The following DLG2 variants were observed in gnomAD, a reference collection of about 807,000 sequenced individuals.
The protein encoded by DLG2 is discs large MAGUK scaffold protein 2, also known as disks large homolog 2.
In DLG2, 45 loss-of-function variants were observed where a neutral mutation model predicts 132.5. The ratio of observed to expected loss-of-function variants is 0.34; its 90% CI spans 0.27 to 0.44. The LOEUF (loss-of-function observed/expected upper bound fraction) is 0.44. Among genes scored for constraint, DLG2 ranks in the 20% least tolerant of loss-of-function variants. The pLI, the probability that DLG2 is intolerant of heterozygous loss-of-function variation, is 1.00. For synonymous variants in DLG2, 424 were observed against 419.6 expected (o/e 1.01, Z -0.13); for missense variants, 1,045 against 1,196.9 (o/e 0.87, Z 1.87).
intron 6 of DLG2, among the ~76,000 whole-genome samples, chr11:84,904,873 T>A (rs996555139): frequency 1.3e-5 from 2 of 152,304 alleles, no homozygotes; most frequent in Admixed American, 6.5e-5. Flanking sequence ...CTGATGTTTA[T>A]TAGGCTCATT....
chr11:85,232,666 A>C (rs2075363059), intron 4 of DLG2, among the ~76,000 whole-genome samples: 1 of 151,908 alleles, frequency 6.6e-6, no homozygotes, highest in South Asian at 2.1e-4. Flanking sequence ...CTAATACTCA[A>C]GGGATAAAAA....
intron 6 of DLG2, among the ~76,000 whole-genome samples, chr11:84,549,973 C>T (rs2099398503): frequency 6.6e-6 from 1 of 152,026 alleles, no homozygotes; most frequent in Admixed American, 6.6e-5. Flanking sequence ...CCAGGCTGGC[C>T]TCGAACTCCT....
intron 6 of DLG2, among the ~76,000 whole-genome samples, chr11:85,040,303 C>A (rs905969850): frequency 6.6e-6 from 1 of 151,866 alleles, no homozygotes; most frequent in Non-Finnish European, 1.5e-5. Flanking sequence ...AACAAATGCA[C>A]ATGACTCAAA....
chr11:84,772,206 A>T (rs2069544102), intron 6 of DLG2, among the ~76,000 whole-genome samples: 1 of 152,190 alleles, frequency 6.6e-6, no homozygotes, highest in Non-Finnish European at 1.5e-5. Context: ...TAAAGGTTCA[A>T]TTCAACCAGA....
chr11:84,985,986 C>T (rs1443090794), intron 6 of DLG2, among the ~76,000 whole-genome samples: 3 of 70,168 alleles, frequency 4.3e-5, no homozygotes, highest in Admixed American at 2.0e-4. Context: ...AGCAAGACTC[C>T]GTCTCAAAAA....
intron 6 of DLG2, among the ~76,000 whole-genome samples, chr11:85,087,769 C>T (rs906327978): frequency 8.8e-5 from 12 of 136,266 alleles, no homozygotes; most frequent in Non-Finnish European, 1.7e-4. Flanking sequence ...ACCCGGGAAG[C>T]GGAGCTTGCA....
intron 6 of DLG2, among the ~76,000 whole-genome samples, chr11:84,602,119 A>G (rs2099577649): frequency 6.6e-6 from 1 of 152,042 alleles, no homozygotes; most frequent in African/African-American, 2.4e-5. Context: ...TGTGCTGGAC[A>G]CTGGGAATAC....
At chr11:84,104,518 G>A (rs1458527228) in intron 9 of DLG2, among the ~76,000 whole-genome samples, 1 of 151,938 alleles carries the variant, frequency 6.6e-6, no homozygotes, top group East Asian at 1.9e-4. Flanking sequence ...CCAAACCTCA[G>A]CACCACATGA....
chr11:83,570,149 TC>T (rs1423926216), intron 19 of DLG2, among the ~76,000 whole-genome samples: 1 of 152,160 alleles, frequency 6.6e-6, no homozygotes, highest in Non-Finnish European at 1.5e-5. Context: ...TAGTTATGGG[TC>T]CCATCAGTCT....
chr11:84,488,794 A>G (rs2099157330), intron 7 of DLG2, among the ~76,000 whole-genome samples: 3 of 152,154 alleles, frequency 2.0e-5, no homozygotes, highest in African/African-American at 7.2e-5. Context: ...TAAAACTAAT[A>G]AATACTGTAG....
At chr11:84,542,381 T>G (rs977817333) in intron 6 of DLG2, among the ~76,000 whole-genome samples, 1 of 152,200 alleles carries the variant, frequency 6.6e-6, no homozygotes, top group Non-Finnish European at 1.5e-5. Flanking sequence ...ATTAAAAAAC[T>G]TGTTAGTTTC....
At chr11:85,016,495 G>T (rs2059589061) in intron 6 of DLG2, among the ~76,000 whole-genome samples, 1 of 151,902 alleles carries the variant, frequency 6.6e-6, no homozygotes, top group African/African-American at 2.4e-5. Context: ...CAATACCTTT[G>T]ATTTCTTTTA....
intron 14 of DLG2, among the ~76,000 whole-genome samples, chr11:83,943,719 A>G (rs2083177589): frequency 6.6e-6 from 1 of 152,250 alleles, no homozygotes; most frequent in Non-Finnish European, 1.5e-5. Flanking sequence ...CAGCAAGTAT[A>G]GTCTTTTTTA....
At chr11:83,624,250 G>A (rs1301736142) in intron 19 of DLG2, among the ~76,000 whole-genome samples, 3 of 152,160 alleles carry the variant, frequency 2.0e-5, no homozygotes, top group Non-Finnish European at 4.4e-5. Context: ...AAGAATGGAG[G>A]AAAACGTGAT....
intron 5 of DLG2, among the ~76,000 whole-genome samples, chr11:85,122,639 T>G (rs1035829339): frequency 6.6e-6 from 1 of 151,996 alleles, no homozygotes; most frequent in South Asian, 2.1e-4. Context: ...ATCGATCTTA[T>G]GAAAACGCAG....
At chr11:84,143,107 T>C (rs1346311632) in intron 9 of DLG2, among the ~76,000 whole-genome samples, 3 of 152,160 alleles carry the variant, frequency 2.0e-5, no homozygotes, top group Admixed American at 2.0e-4. Context: ...AATTTCAGTT[T>C]CAACGTTGAG....
intron 10 of DLG2, among the ~76,000 whole-genome samples, chr11:84,074,639 C>T (rs1268976442): frequency 6.6e-6 from 1 of 151,790 alleles, no homozygotes; most frequent in Non-Finnish European, 1.5e-5. Flanking sequence ...CGCCATTCTC[C>T]TGCCTCAGCC....
intron 19 of DLG2, among the ~76,000 whole-genome samples, chr11:83,607,588 A>T (rs1384384062): frequency 6.6e-6 from 1 of 152,262 alleles, no homozygotes. Flanking sequence ...AAAGTATTTG[A>T]TTATAACCCA....
At chr11:83,507,784 A>AG (rs2094804052) in intron 21 of DLG2, among the ~76,000 whole-genome samples, 1 of 126,942 alleles carries the variant, frequency 7.9e-6, no homozygotes, top group Admixed American at 8.0e-5. Flanking sequence ...ATATATATAT[A>AG]TATATATATA....
Sources: allele counts gnomAD v4.1 joint callset (sites outside exome capture counted in the v4.1 genomes callset), GRCh38; gene constraint gnomAD v4.1.1; transcripts MANE v1.5; gene names NCBI Gene and HGNC (gene_info 2026-07-23, HGNC 2026-07-21).